The following PTPRM variants were observed in gnomAD, a reference collection of about 807,000 sequenced individuals.
PTPRM encodes protein tyrosine phosphatase receptor type M.
PTPRM carries 47 observed loss-of-function variants against 186.7 expected under a neutral mutation model. The ratio of observed to expected loss-of-function variants is 0.25; its 90% CI spans 0.20 to 0.32. The LOEUF (loss-of-function observed/expected upper bound fraction) is 0.32. PTPRM is among the 10% of genes least tolerant of loss of function. The probability of loss-of-function intolerance (pLI) is 1.00; values close to 1 mark genes in which losing one functional copy is unlikely to be tolerated. For synonymous variants in PTPRM, 668 were observed against 674.9 expected (o/e 0.99, Z 0.16); for missense variants, 1,494 against 1,865.0 (o/e 0.80, Z 3.66).
Position 8,387,080 on chromosome 18 carries a change from T to A in PTPRM, c.4053T>A (p.Asp1351Glu). The A allele has an allele frequency of 6.2e-7, 1 of 1,605,832 alleles. No individual in the cohort carries two copies. Among genetic ancestry groups the A allele is most frequent in the Non-Finnish European group, 8.5e-7 (1 of 1,172,618 alleles). The stretch of plus-strand genomic sequence containing the variant: ...TGCCTTGTTCTTCGTAGCCCCAAGA[T>A]GGATATCGGATGGTGCAGCAATTCC... ...FRIYNAARPQ[D>E]GYRMVQQFQF... Residue 1351 changes from aspartate to glutamate, a missense_variant, in exon 31 of 33, where the codon GAT (aspartate) becomes GAA (glutamate). By Grantham distance (45) the Asp-to-Glu change is conservative. This residue lies in a region of PTPRM where 1,107 missense variants were observed against 1,350.2 expected (regional missense o/e 0.82). Coordinates refer to ENST00000580170, the MANE Select transcript of PTPRM (RefSeq NM_001105244.2).
At chr18:8,146,370 A>C (rs1176566737) in intron 14 of PTPRM, among the ~76,000 whole-genome samples, 3 of 152,058 alleles carry the variant, frequency 2.0e-5, no homozygotes, top group African/African-American at 7.2e-5. Context: ...ATGGTATCTC[A>C]TTGTGGTTTT....
At chr18:8,181,687 A>AT (rs2093577181) in intron 14 of PTPRM, among the ~76,000 whole-genome samples, 1 of 152,194 alleles carries the variant, frequency 6.6e-6, no homozygotes, top group Admixed American at 6.5e-5. Context: ...ATGACTTCTC[A>AT]TGACACTCAG....
At chr18:7,840,635 G>A (rs1415121553) in intron 2 of PTPRM, among the ~76,000 whole-genome samples, 1 of 152,202 alleles carries the variant, frequency 6.6e-6, no homozygotes, top group African/African-American at 2.4e-5. Flanking sequence ...AGAACTTGCT[G>A]TAGCAGGAAA....
At chr18:8,051,287 T>C (rs10513901) in intron 7 of PTPRM, among the ~76,000 whole-genome samples, 64,275 of 152,020 alleles carry the variant, frequency 0.42, 15,174 homozygotes, top group Non-Finnish European at 0.54. Context: ...TTTCCTATAA[T>C]AATGTTTTCT....
At chr18:7,888,072 C>T in intron 2 of PTPRM, 34 bp from the exon 3 acceptor site, 3 of 1,613,852 alleles carry the variant, frequency 1.9e-6, no homozygotes, top group Non-Finnish European at 1.7e-6. Flanking sequence ...AGTAGTGTTT[C>T]AGGGTATGAC....
chr18:8,065,299 C>T (rs969421662), intron 7 of PTPRM, among the ~76,000 whole-genome samples: 3 of 152,168 alleles, frequency 2.0e-5, no homozygotes, highest in African/African-American at 7.2e-5. Context: ...GCCAGGATCA[C>T]TGATTAAATA....
At chr18:7,842,947 T>TATATATATATATATATATATAGAGAG (rs370746043) in intron 2 of PTPRM, among the ~76,000 whole-genome samples, 4 of 112,114 alleles carry the variant, frequency 3.6e-5, no homozygotes, top group African/African-American at 1.7e-4. Context: ...TATATATATA[T>TATATATATATATATATATATAGAGAG]AGAGAGAGAG....
chr18:8,206,248 T>TTTTTATTTTATTTTATTTTATTTTA (rs55773269), intron 14 of PTPRM, among the ~76,000 whole-genome samples: 82 of 147,918 alleles, frequency 5.5e-4, no homozygotes, highest in African/African-American at 1.4e-3. Flanking sequence ...CAAGGCTGAA[T>TTTTTATTTTATTTTATTTTATTTTA]TTTTATTTTA....
intron 2 of PTPRM, among the ~76,000 whole-genome samples, chr18:7,874,088 T>A (rs1484057216): frequency 6.7e-6 from 1 of 149,088 alleles, no homozygotes; most frequent in Admixed American, 6.6e-5. Context: ...GTCAGCTTAT[T>A]ATTCTTTGAA....
At chr18:7,914,060 AT>A (rs1203726296) in intron 4 of PTPRM, among the ~76,000 whole-genome samples, 10 of 152,090 alleles carry the variant, frequency 6.6e-5, no homozygotes, top group African/African-American at 1.7e-4. Flanking sequence ...CCAAATTTAG[AT>A]TTTTTAATGA....
At chr18:8,001,974 G>A (rs2083900942) in intron 7 of PTPRM, among the ~76,000 whole-genome samples, 1 of 152,192 alleles carries the variant, frequency 6.6e-6, no homozygotes, top group South Asian at 2.1e-4. Flanking sequence ...TTCTGCCTCA[G>A]CTAATGCCAT....
intron 23 of PTPRM, among the ~76,000 whole-genome samples, chr18:8,361,868 G>C (rs972582556): frequency 6.6e-6 from 1 of 152,124 alleles, no homozygotes; most frequent in African/African-American, 2.4e-5. Context: ...TTTAAGATAG[G>C]CTACAAAAAC....
At chr18:8,069,587 G>A (rs748988026) in intron 7 of PTPRM, 99 bp from the exon 8 acceptor site, 23 of 1,034,182 alleles carry the variant, frequency 2.2e-5, no homozygotes, top group South Asian at 1.9e-4. Flanking sequence ...AGGAGACCAG[G>A]TGGTGGGGAC....
At chr18:7,937,909 T>A (rs559273270) in intron 5 of PTPRM, among the ~76,000 whole-genome samples, 2 of 152,310 alleles carry the variant, frequency 1.3e-5, no homozygotes, top group Admixed American at 1.3e-4. Flanking sequence ...TTACTCTGCA[T>A]GGGTGACTCC....
chr18:8,349,996 G>A (rs1043397652), intron 23 of PTPRM, among the ~76,000 whole-genome samples: 1 of 152,176 alleles, frequency 6.6e-6, no homozygotes, highest in African/African-American at 2.4e-5. Context: ...ACAGAAAGGT[G>A]AAGGAAACAG....
chr18:7,644,706 T>C (rs893916487), intron 1 of PTPRM, among the ~76,000 whole-genome samples: 1 of 151,634 alleles, frequency 6.6e-6, no homozygotes, highest in African/African-American at 2.4e-5. Context: ...AATTGGAAAA[T>C]AAGTAGAGGA....
In PTPRM at chr18:7,673,741, T is replaced by C. The variant is rs140213260; in HGVS notation, c.74-100408T>C. 1.1e-4 allele frequency among the ~76,000 whole-genome samples: 17 copies of C among 152,324 alleles called. 1 individual carries two copies. The highest frequency in any genetic ancestry group is 3.8e-4 in the African/African-American group (16 of 41,584). On this transcript the variant is annotated intron_variant, in intron 1 of 32. Transcript: ENST00000580170. The stretch of plus-strand genomic sequence containing the variant: ...GCTTATAAAAAAAGAAAGATGTATA[T>C]GTGCTTGCAGGTCAGAAGGCCACAC...
chr18:7,955,180 A>T lies in PTPRM; in HGVS notation c.898A>T (p.Ile300Leu). 1 of 1,614,162 alleles carries T rather than the reference A, an allele frequency of 6.2e-7. No individual in the cohort carries two copies. The highest frequency in any genetic ancestry group is 8.5e-7 in the Non-Finnish European group (1 of 1,180,014). Residue 300 changes from isoleucine to leucine, a missense_variant, in exon 7 of 33, where the codon ATA (isoleucine) becomes TTA (leucine). Ile to Leu is a conservative substitution (Grantham distance 5, BLOSUM62 2). Around this residue, in one of 3 missense-constraint regions of PTPRM, gnomAD observed 91 missense variants for 169.3 expected, o/e 0.54. Coordinates refer to ENST00000580170, the MANE Select transcript of PTPRM (RefSeq NM_001105244.2). ...LASVGATYLW[I>L]QLNANSINGD... ...CTCTGTAGGAGCCACCTACCTGTGG[A>T]TACAGCTCAACGCCAACTCCATCAA...
intron 1 of PTPRM, among the ~76,000 whole-genome samples, chr18:7,754,127 G>A (rs998059791): frequency 6.6e-6 from 1 of 152,168 alleles, no homozygotes; most frequent in African/African-American, 2.4e-5. Flanking sequence ...ATATAGATTA[G>A]TTGACATTTT....
Sources: allele counts gnomAD v4.1 joint callset (sites outside exome capture counted in the v4.1 genomes callset), GRCh38; gene constraint gnomAD v4.1.1; regional missense constraint gnomAD v4.1.1; transcripts MANE v1.5; gene names NCBI Gene and HGNC (gene_info 2026-07-23, HGNC 2026-07-21).